The following DIP2C variants were observed in gnomAD, a reference collection of about 807,000 sequenced individuals.
DIP2C encodes disco-interacting protein 2 homolog C.
Under a neutral mutation model 192.4 loss-of-function variants are expected in DIP2C, and 33 were observed. The ratio of observed to expected loss-of-function variants is 0.17; its 90% CI spans 0.13 to 0.23. The LOEUF (loss-of-function observed/expected upper bound fraction) is 0.23. Among genes scored for constraint, DIP2C ranks in the 10% least tolerant of loss-of-function variants. The pLI, the probability that DIP2C is intolerant of heterozygous loss-of-function variation, is 1.00. For synonymous variants in DIP2C, 979 were observed against 864.1 expected (o/e 1.13, Z -2.33); for missense variants, 1,537 against 2,110.1 (o/e 0.73, Z 5.32).
intron 13 of DIP2C, 92 bp from the exon 14 acceptor site, chr10:387,901 A>G (rs1212878960): frequency 3.0e-6 from 4 of 1,318,392 alleles, no homozygotes; most frequent in Non-Finnish European, 4.4e-6. Flanking sequence ...ATCAGGGGAA[A>G]TAACAGATCT....
At chr10:482,607 C>T (rs1431797333) in intron 2 of DIP2C, among the ~76,000 whole-genome samples, 1 of 152,144 alleles carries the variant, frequency 6.6e-6, no homozygotes, top group Non-Finnish European at 1.5e-5. Flanking sequence ...CACTCAATAC[C>T]AAGAAACATT....
chr10:330,127 A>C (rs1957438417), intron 29 of DIP2C, among the ~76,000 whole-genome samples: 1 of 152,190 alleles, frequency 6.6e-6, no homozygotes, highest in Non-Finnish European at 1.5e-5. Flanking sequence ...CCAAACAGCA[A>C]TTTAATAAAG....
intron 5 of DIP2C, 143 bp from the exon 6 acceptor site, chr10:419,342 T>TC: frequency 8.6e-7 from 1 of 1,167,716 alleles, no homozygotes; most frequent in South Asian, 1.4e-5. Context: ...CTCAGCCGCA[T>TC]CTGCCACACA....
chr10:309,932 C>T (rs182950423), intron 32 of DIP2C, 99 bp downstream of exon 32: 13 of 1,174,228 alleles, frequency 1.1e-5, no homozygotes, highest in Admixed American at 5.7e-5. Context: ...GGCAGATAAA[C>T]ATCGTGTGCA....
At chr10:394,295 T>A (rs1228260430) in intron 10 of DIP2C, among the ~76,000 whole-genome samples, 1 of 151,948 alleles carries the variant, frequency 6.6e-6, no homozygotes, top group Non-Finnish European at 1.5e-5. Flanking sequence ...TGGGCGCTAT[T>A]CAGCCTTCAG....
In DIP2C at chr10:349,454, C is replaced by T. The variant is rs778256665; in HGVS notation, c.2986G>A (p.Gly996Ser). ...CAGGTCAGCGAGTTCGCTATCGCAC[C>T]CTGCGGGCCGATCACAGGGACAAGC... ...HILYTLLNCRGAIANSLTCVQ... is the reference protein window; with the variant it reads ...HILYTLLNCRSAIANSLTCVQ... The change falls in exon 25 of 37, where the codon GGT (glycine) becomes AGT (serine). Residue 996 changes from glycine (G) to serine (S), a missense_variant and splice_region_variant. Gly to Ser is a moderately conservative substitution (Grantham distance 56). Around this residue, in one of 4 missense-constraint regions of DIP2C, gnomAD observed 677 missense variants for 989.9 expected, o/e 0.68. Coordinates refer to ENST00000280886, the MANE Select transcript of DIP2C (RefSeq NM_014974.3). The T allele has an allele frequency of 6.2e-7, 1 of 1,600,212 alleles. No individual in the cohort carries two copies. Among genetic ancestry groups the T allele is most frequent in the Non-Finnish European group, 8.5e-7 (1 of 1,172,746 alleles).
intron 1 of DIP2C, among the ~76,000 whole-genome samples, chr10:594,669 G>C (rs1851600777): frequency 6.6e-6 from 1 of 152,172 alleles, no homozygotes; most frequent in African/African-American, 2.4e-5. Context: ...GCTGCTTCCT[G>C]ACAGGAAGGC....
At chr10:604,120 G>A (rs1354053999) in intron 1 of DIP2C, among the ~76,000 whole-genome samples, 1 of 150,428 alleles carries the variant, frequency 6.6e-6, no homozygotes, top group Non-Finnish European at 1.5e-5. Flanking sequence ...ATCAAGGCAT[G>A]TGTGTGAGGA....
chr10:316,162 C>T (rs1289342763), intron 31 of DIP2C, among the ~76,000 whole-genome samples: 1 of 152,188 alleles, frequency 6.6e-6, no homozygotes, highest in Non-Finnish European at 1.5e-5. Flanking sequence ...CTAGGGCCAT[C>T]TCCTCTCATG....
At chr10:483,257 C>T (rs531288360) in intron 2 of DIP2C, among the ~76,000 whole-genome samples, 1 of 152,232 alleles carries the variant, frequency 6.6e-6, no homozygotes, top group Non-Finnish European at 1.5e-5. Context: ...AGAACACAAA[C>T]CCCTTACAGG....
intron 4 of DIP2C, among the ~76,000 whole-genome samples, chr10:427,532 G>A (rs1966669792): frequency 6.6e-6 from 1 of 152,086 alleles, no homozygotes; most frequent in Non-Finnish European, 1.5e-5. Flanking sequence ...GATCGTATAA[G>A]GCACCTATAA....
At chr10:514,466 T>G (rs929238507) in intron 1 of DIP2C, among the ~76,000 whole-genome samples, 2 of 152,182 alleles carry the variant, frequency 1.3e-5, no homozygotes, top group South Asian at 4.1e-4. Flanking sequence ...ACTGCAACCC[T>G]GCAGGGCCGT....
chr10:502,859 C>G (rs188097711), intron 1 of DIP2C, among the ~76,000 whole-genome samples: 20 of 152,202 alleles, frequency 1.3e-4, no homozygotes, highest in Admixed American at 9.2e-4. Flanking sequence ...CAAGGAGAAG[C>G]GGCAACACAG....
chr10:515,048 C>G (rs1387378943), intron 1 of DIP2C, among the ~76,000 whole-genome samples: 3 of 152,106 alleles, frequency 2.0e-5, no homozygotes, highest in Admixed American at 2.0e-4. Context: ...TTCAGAAAAA[C>G]AAATTGTTCC....
In DIP2C at chr10:539,859, G is replaced by T. The variant is rs370257218; in HGVS notation, c.86-53329C>A. On this transcript the variant is annotated intron_variant, in intron 1 of 36. Transcript: ENST00000280886. ...TATCATAGAATAACAGGATAAAGCAGACCTACAATATGCAAAAACATGGGA... is the reference window on the plus strand; with the variant it reads ...TATCATAGAATAACAGGATAAAGCATACCTACAATATGCAAAAACATGGGA... Among the ~76,000 whole-genome samples the T allele has an allele frequency of 3.0e-4, 45 of 152,322 alleles. No individual in the cohort carries two copies. The Middle Eastern group carries it at 0.014, about 46-fold the overall frequency.
intron 2 of DIP2C, among the ~76,000 whole-genome samples, chr10:480,798 G>A (rs1466203109): frequency 6.6e-6 from 1 of 152,224 alleles, no homozygotes; most frequent in Non-Finnish European, 1.5e-5. Flanking sequence ...GCAGCTAAGC[G>A]TGGTACCCTG....
chr10:348,290 G>A (rs1168381798), intron 26 of DIP2C, among the ~76,000 whole-genome samples: 1 of 152,218 alleles, frequency 6.6e-6, no homozygotes, highest in Non-Finnish European at 1.5e-5. Context: ...CACATCTTGA[G>A]GAGAGGGCTT....
rs1283099728 is a variant in DIP2C, at chr10:552,002, A to G, written c.86-65472T>C. Among the ~76,000 whole-genome samples the G allele has an allele frequency of 3.3e-5, 5 of 152,304 alleles. No individual in the cohort carries two copies. The East Asian group carries it at 9.6e-4, about 29-fold the overall frequency. On this transcript the variant is annotated intron_variant, in intron 1 of 36. Transcript: ENST00000280886. Reference sequence around the variant, plus strand: ...ACAGCCACATGCAGGCATCAAAGGGAGGGCTTCTCAAGTCTCTTCTGAGAG... The same window carrying G: ...ACAGCCACATGCAGGCATCAAAGGGGGGGCTTCTCAAGTCTCTTCTGAGAG...
In DIP2C at chr10:356,989, T is replaced by C. The variant is rs187679896; in HGVS notation, c.2905-483A>G. Among the ~76,000 whole-genome samples the C allele has an allele frequency of 7.6e-4, 116 of 152,362 alleles. No individual in the cohort carries two copies. The Middle Eastern group carries it at 0.01, about 13-fold the overall frequency. On this transcript the variant is annotated intron_variant, in intron 23 of 36. Transcript: ENST00000280886. Reference sequence around the variant, plus strand: ...GGTTTCTAGAATGGCAATACCCTGATGGCATGAAGCCACAAATTAAACAAA... The same window carrying C: ...GGTTTCTAGAATGGCAATACCCTGACGGCATGAAGCCACAAATTAAACAAA...
Sources: allele counts gnomAD v4.1 joint callset (sites outside exome capture counted in the v4.1 genomes callset), GRCh38; gene constraint gnomAD v4.1.1; regional missense constraint gnomAD v4.1.1; transcripts MANE v1.5; gene names NCBI Gene and HGNC (gene_info 2026-07-23, HGNC 2026-07-21).